Variants in PCDHA11 observed in about 807,000 individuals in gnomAD.
PCDHA11 encodes protocadherin alpha-11.
A neutral mutation model predicts 70.3 loss-of-function variants in PCDHA11; 61 were observed. The observed-to-expected ratio is 0.87, with a 90% CI of 0.71 to 1.07. The LOEUF is 1.07. PCDHA11 is among the 50% of genes least tolerant of loss of function. The pLI, the probability that PCDHA11 is intolerant of heterozygous loss-of-function variation, is 0.00. For synonymous variants in PCDHA11, 633 were observed against 555.1 expected (o/e 1.14, Z -1.97); for missense variants, 1,324 against 1,237.5 (o/e 1.07, Z -1.05).
chr5:140,912,723 A>C (rs781874290), intron 1 of PCDHA11, among the ~76,000 whole-genome samples: 21 of 152,256 alleles, frequency 1.4e-4, no homozygotes, highest in Admixed American at 1.1e-3. Context: ...TCCATTCAAT[A>C]TGATGTTGGC....
intron 1 of PCDHA11, among the ~76,000 whole-genome samples, chr5:140,974,459 C>G (rs59098360): frequency 0.013 from 1,989 of 152,274 alleles, 54 homozygotes; most frequent in African/African-American, 0.046. Flanking sequence ...TGACTACATT[C>G]AGAGGAAAGT....
intron 1 of PCDHA11, chr5:140,882,226 G>A (rs778262653): frequency 1.3e-6 from 2 of 1,564,150 alleles, no homozygotes; most frequent in Non-Finnish European, 1.7e-6. Context: ...GAGGTAAGGC[G>A]TTGTATATAT....
chr5:140,934,612 T>G (rs2089946859), intron 1 of PCDHA11, among the ~76,000 whole-genome samples: 1 of 152,184 alleles, frequency 6.6e-6, no homozygotes, highest in South Asian at 2.1e-4. Flanking sequence ...TTGATTAGCC[T>G]GAGGTACAGT....
intron 2 of PCDHA11, among the ~76,000 whole-genome samples, chr5:140,979,920 C>T (rs1554241253): frequency 6.6e-6 from 1 of 152,206 alleles, no homozygotes; most frequent in Non-Finnish European, 1.5e-5. Flanking sequence ...AAGAGAAAGC[C>T]TACAAAGTAT....
At chr5:140,947,907 C>T (rs2094191786) in intron 1 of PCDHA11, among the ~76,000 whole-genome samples, 1 of 151,546 alleles carries the variant, frequency 6.6e-6, no homozygotes, top group African/African-American at 2.4e-5. Context: ...TGAGAGCAGA[C>T]ATTCTTGCCT....
At chr5:140,944,171 GT>G (rs1250322343) in intron 1 of PCDHA11, among the ~76,000 whole-genome samples, 1 of 152,008 alleles carries the variant, frequency 6.6e-6, no homozygotes, top group Non-Finnish European at 1.5e-5. Context: ...GCCAAGGCTG[GT>G]TTTTTGTTGG....
At chr5:140,936,875 C>A (rs1052156307) in intron 1 of PCDHA11, among the ~76,000 whole-genome samples, 1 of 151,950 alleles carries the variant, frequency 6.6e-6, no homozygotes, top group South Asian at 2.1e-4. Context: ...TTTAAAAAAC[C>A]CTGCTTTGAT....
intron 2 of PCDHA11, among the ~76,000 whole-genome samples, chr5:140,979,789 C>CAAAT (rs1244398411): frequency 2.6e-5 from 4 of 152,148 alleles, no homozygotes; most frequent in African/African-American, 9.7e-5. Context: ...GACCAAGAAA[C>CAAAT]AAATGATCAC....
intron 1 of PCDHA11, among the ~76,000 whole-genome samples, chr5:140,894,629 T>C (rs1406335031): frequency 6.6e-6 from 1 of 152,036 alleles, no homozygotes; most frequent in African/African-American, 2.4e-5. Flanking sequence ...TCTTCTCCAA[T>C]CATATCATTA....
At chr5:140,927,147 G>T (rs1554204095) in intron 1 of PCDHA11, 5 of 1,614,162 alleles carry the variant, frequency 3.1e-6, no homozygotes, top group Non-Finnish European at 4.2e-6. Context: ...ACCGCGAACA[G>T]CTGTGCAGGG....
chr5:140,942,359 C>T (rs943225700), intron 1 of PCDHA11, among the ~76,000 whole-genome samples: 5 of 151,564 alleles, frequency 3.3e-5, no homozygotes, highest in Non-Finnish European at 5.9e-5. Flanking sequence ...TTGCAGTTAA[C>T]GGAGATTGCA....
intron 1 of PCDHA11, among the ~76,000 whole-genome samples, chr5:140,944,577 C>G (rs2093670906): frequency 6.6e-6 from 1 of 152,270 alleles, no homozygotes; most frequent in Admixed American, 6.5e-5. Flanking sequence ...CTGTAGAGAT[C>G]ACTTCAGAAT....
chr5:140,892,477 A>G (rs2063535340), intron 1 of PCDHA11, among the ~76,000 whole-genome samples: 1 of 152,220 alleles, frequency 6.6e-6, no homozygotes, highest in South Asian at 2.1e-4. Context: ...TCAGTTTCCT[A>G]GCCAAACATG....
chr5:140,969,585 T>A (rs2096344806), intron 1 of PCDHA11: 1 of 896,450 alleles, frequency 1.1e-6, no homozygotes, highest in Admixed American at 3.0e-5. Flanking sequence ...TGAGGATTAG[T>A]CTTAATATTT....
intron 1 of PCDHA11, among the ~76,000 whole-genome samples, chr5:140,893,642 T>C (rs1479834135): frequency 1.3e-5 from 2 of 152,230 alleles, no homozygotes; most frequent in African/African-American, 2.4e-5. Context: ...TATAGTATTT[T>C]TGGCTGATAG....
At chr5:140,954,222 G>A (rs2094999300) in intron 1 of PCDHA11, among the ~76,000 whole-genome samples, 1 of 152,132 alleles carries the variant, frequency 6.6e-6, no homozygotes, top group African/African-American at 2.4e-5. Context: ...TTTTGCTATT[G>A]TGAATAGTGC....
intron 3 of PCDHA11, among the ~76,000 whole-genome samples, chr5:140,991,401 T>C (rs1271447254): frequency 6.6e-6 from 1 of 152,218 alleles, no homozygotes; most frequent in Non-Finnish European, 1.5e-5. Context: ...TGTATTTATT[T>C]CCCATTATGC....
intron 1 of PCDHA11, chr5:140,875,828 T>C: frequency 6.2e-7 from 1 of 1,614,196 alleles, no homozygotes; most frequent in African/African-American, 1.3e-5. Flanking sequence ...GTTTTCCATG[T>C]GGACGTGGAG....
chr5:140,900,563 C>G (rs1174778855), intron 1 of PCDHA11, among the ~76,000 whole-genome samples: 4 of 152,164 alleles, frequency 2.6e-5, no homozygotes, highest in Non-Finnish European at 5.9e-5. Flanking sequence ...AGGCGTGAGC[C>G]ACGGCACCGG....
Sources: gnomAD v4.1 joint callset for allele counts (sites outside exome capture counted in the v4.1 genomes callset) on GRCh38, gnomAD v4.1.1 for gene constraint, MANE v1.5 for transcripts, NCBI Gene and HGNC (gene_info 2026-07-23, HGNC 2026-07-21) for gene names.